Variants in RER1 observed in about 807,000 individuals in gnomAD.
The protein encoded by RER1 is protein RER1.
RER1 carries 6 observed loss-of-function variants against 28.3 expected under a neutral mutation model. That is an observed-to-expected ratio of 0.21 (90% confidence interval 0.12 to 0.42). RER1 has a LOEUF of 0.42. Among genes scored for constraint, RER1 ranks in the 10% least tolerant of loss-of-function variants. RER1 has a pLI of 1.00. For missense variants in RER1, 159 were observed against 252.9 expected (o/e 0.63, Z 2.52); for synonymous variants, 110 against 95.9 (o/e 1.15, Z -0.86).
intron 5 of RER1, 84 bp from the exon 6 acceptor site, chr1:2,402,123 G>A (rs762532734): frequency 2.5e-6 from 4 of 1,613,590 alleles, no homozygotes; most frequent in Non-Finnish European, 3.4e-6. Context: ...GGGGACGGTC[G>A]GTGCAGCTGC....
intron 3 of RER1, among the ~76,000 whole-genome samples, chr1:2,397,865 T>C (rs2100401562): frequency 6.6e-6 from 1 of 152,336 alleles, no homozygotes. Flanking sequence ...CGTCGGTCTT[T>C]AGAGGAGGTT....
At chr1:2,395,937 G>A (rs774727497) in intron 2 of RER1, 66 bp downstream of exon 2, 14 of 1,246,112 alleles carry the variant, frequency 1.1e-5, no homozygotes, top group Admixed American at 1.7e-5. Context: ...CAGCATTTTC[G>A]GGAAGGATCT....
chr1:2,402,182 G>A (rs1476981633), intron 5 of RER1, 25 bp from the exon 6 acceptor site: 2 of 1,614,064 alleles, frequency 1.2e-6, no homozygotes, highest in East Asian at 2.2e-5. Flanking sequence ...CAGATGCGGC[G>A]CTAACCTTCT....
In RER1 at chr1:2,403,360, G is replaced by C. The variant is rs1440054612; in HGVS notation, c.*236G>C. The C allele has an allele frequency of 2.2e-6, 1 of 451,660 alleles. No individual in the cohort carries two copies. Among genetic ancestry groups the C allele is most frequent in the African/African-American group, 2.0e-5 (1 of 49,756 alleles). The allele number at this position is 451,660 out of a possible 1,614,324, so 28.0% of individuals were successfully genotyped here. On this transcript the variant is annotated 3_prime_UTR_variant, in exon 7 of 7. Transcript: ENST00000605895. The stretch of plus-strand genomic sequence containing the variant: ...AGTGTTTCTCACGGATGGAATTCTA[G>C]TCAGCTGCAGGCGGGAAGCCAGGCG...
chr1:2,392,651 G>A (rs1642700606), intron 1 of RER1, among the ~76,000 whole-genome samples: 5 of 152,192 alleles, frequency 3.3e-5, no homozygotes, highest in Admixed American at 3.3e-4. Context: ...GAGACTGGCC[G>A]CTAGTCCTGG....
chr1:2,404,958 C>A lies in RER1; in HGVS notation c.*1834C>A. On this transcript the variant is annotated 3_prime_UTR_variant, in exon 7 of 7. Coordinates refer to ENST00000605895, the MANE Select transcript of RER1 (RefSeq NM_007033.5). ...GCTGAGGGGCTGAACACAGCAGTGA[C>A]CGTGGGTCAGCAGGTCGCCTGCCCA... 6.5e-6 allele frequency: 1 copy of A among 154,302 alleles called. No homozygotes were observed. Among genetic ancestry groups the A allele is most frequent in the Non-Finnish European group, 1.4e-5 (1 of 69,100 alleles). The allele number at this position is 154,302 out of a possible 1,614,324, so 9.6% of individuals were successfully genotyped here. A position where few individuals can be genotyped will look rare whatever the true frequency, so the allele number is the denominator to read the frequency against.
At position 2,404,740 on chromosome 1, in the gene RER1, T is replaced by G. The variant is rs1047971273; in HGVS notation, c.*1616T>G. On this transcript the variant is annotated 3_prime_UTR_variant, in exon 7 of 7. Coordinates refer to ENST00000605895, the MANE Select transcript of RER1 (RefSeq NM_007033.5). ...GGTGTTTTACGTCAGCAGGGAAATG[T>G]GGCACACGCCCTCGAGGCATTTTAA... The G allele has an allele frequency of 2.0e-5, 3 of 152,322 alleles. No individual in the cohort carries two copies. The highest frequency in any genetic ancestry group is 4.4e-5 in the Non-Finnish European group (3 of 68,058). 9.4% of individuals were successfully genotyped at this position (152,322 alleles called of 1,614,324 possible). A position where few individuals can be genotyped will look rare whatever the true frequency, so the allele number is the denominator to read the frequency against.
chr1:2,400,315 G>A (rs140524275), intron 4 of RER1, among the ~76,000 whole-genome samples: 2 of 152,362 alleles, frequency 1.3e-5, no homozygotes, highest in Admixed American at 1.3e-4. Flanking sequence ...TGGGAACACA[G>A]CCCCTCTCTG....
chr1:2,402,713 C>T (rs566941781), intron 6 of RER1, among the ~76,000 whole-genome samples: 6 of 152,336 alleles, frequency 3.9e-5, no homozygotes, highest in South Asian at 4.1e-4. Flanking sequence ...GTGCCCTTGA[C>T]GGTGTGGCCT....
chr1:2,392,839 A>G (rs1282722376), intron 1 of RER1, among the ~76,000 whole-genome samples: 1 of 152,204 alleles, frequency 6.6e-6, no homozygotes, highest in African/African-American at 2.4e-5. Flanking sequence ...GGTCAGGCCC[A>G]GAGGAGCGGG....
chr1:2,399,527 C>A lies in RER1; in HGVS notation c.286+13C>A, dbSNP rs1642814684. The A allele has an allele frequency of 6.5e-7, 1 of 1,540,840 alleles. No homozygotes were observed. The highest frequency in any genetic ancestry group is 2.2e-5 in the East Asian group (1 of 44,536). ...ATGGAAGACTCAGGTAGGGTAGCGGCTGTGCACTGGGCTGTGTGGGCAGGT... is the reference window on the plus strand; with the variant it reads ...ATGGAAGACTCAGGTAGGGTAGCGGATGTGCACTGGGCTGTGTGGGCAGGT... On this transcript the variant is annotated intron_variant, in intron 4 of 6. Coordinates refer to ENST00000605895, the MANE Select transcript of RER1 (RefSeq NM_007033.5).
intron 2 of RER1, among the ~76,000 whole-genome samples, chr1:2,396,576 T>C (rs758277710): frequency 2.0e-5 from 3 of 152,286 alleles, no homozygotes; most frequent in African/African-American, 4.8e-5. Flanking sequence ...ACCATACATA[T>C]GTATATTTGT....
intron 5 of RER1, among the ~76,000 whole-genome samples, chr1:2,401,376 CCCTCCTCCTCCCTCCTCCTCCCT>C (rs1642857273): frequency 1.3e-4 from 1 of 7,832 alleles, no homozygotes; most frequent in African/African-American, 5.4e-4. Flanking sequence ...CCTCCTTCCT[CCCTCCTCCTCCCTCCTCCTCCCT>C]CCTCCTCCCT....
rs1023227276 is a variant in RER1 at position 2,404,991 on chromosome 1, C to T, written c.*1867C>T. The stretch of plus-strand genomic sequence containing the variant: ...CAGCAGGTCGCCTGCCCAGCAGGCC[C>T]CCCAGGAGAGGGCTCGGGCGCCCCT... On this transcript the variant is annotated 3_prime_UTR_variant, in exon 7 of 7. Coordinates refer to ENST00000605895, the MANE Select transcript of RER1 (RefSeq NM_007033.5). The T allele has an allele frequency of 6.5e-6, 1 of 154,950 alleles. No individual in the cohort carries two copies. The highest frequency in any genetic ancestry group is 1.4e-5 in the Non-Finnish European group (1 of 69,606). 9.6% of individuals were successfully genotyped at this position (154,950 alleles called of 1,614,324 possible).
At chr1:2,401,665 G>A (rs1009073758) in intron 5 of RER1, among the ~76,000 whole-genome samples, 1 of 152,110 alleles carries the variant, frequency 6.6e-6, no homozygotes, top group Non-Finnish European at 1.5e-5. Context: ...GGAGCCTGCT[G>A]AGCTCGTGGG....
In RER1 at chr1:2,403,213, T is replaced by TC; in HGVS notation, c.*89_*90insC. On this transcript the variant is annotated 3_prime_UTR_variant, in exon 7 of 7. Transcript: ENST00000605895. ...TTTTTCTTCACATAAAGTAGTTGAT[T>TC]ACGAGGGAGTCAAATTTTCTTTTTA... The TC allele has an allele frequency of 1.1e-6, 1 of 951,112 alleles. No individual in the cohort carries two copies. Among genetic ancestry groups the TC allele is most frequent in the Non-Finnish European group, 1.7e-6 (1 of 597,848 alleles). The allele number at this position is 951,112 out of a possible 1,614,324, so 58.9% of individuals were successfully genotyped here. A position where few individuals can be genotyped will look rare whatever the true frequency, so the allele number is the denominator to read the frequency against.
In RER1 at chr1:2,399,746, T is replaced by C. The variant is rs562767230; in HGVS notation, c.286+232T>C. On this transcript the variant is annotated intron_variant, in intron 4 of 6. Coordinates refer to ENST00000605895, the MANE Select transcript of RER1 (RefSeq NM_007033.5). ...CTTTGCAGATGAGGAAACTGAGGCA[T>C]ACAGGGTTAGGTAACGTGTTCGAGG... 4.6e-5 allele frequency among the ~76,000 whole-genome samples: 7 copies of C among 152,322 alleles called. No homozygotes were observed. The East Asian group carries it at 9.6e-4, about 21-fold the overall frequency.
Position 2,405,424 on chromosome 1 carries a change from G to A in RER1, c.*2300G>A. Reference sequence around the variant, plus strand: ...TTCTCACAATATAAACGAATAAAGTGTCTTCTGGCCTACTTCTGAATTACT... The same window carrying A: ...TTCTCACAATATAAACGAATAAAGTATCTTCTGGCCTACTTCTGAATTACT... On this transcript the variant is annotated 3_prime_UTR_variant, in exon 7 of 7. Coordinates refer to ENST00000605895, the MANE Select transcript of RER1 (RefSeq NM_007033.5). The A allele has an allele frequency of 4.5e-6, 2 of 447,632 alleles. No individual in the cohort carries two copies. The highest frequency in any genetic ancestry group is 8.3e-6 in the Non-Finnish European group (2 of 239,654). The allele number at this position is 447,632 out of a possible 1,614,324, so 27.7% of individuals were successfully genotyped here.
At chr1:2,402,743 CTG>C (rs1045689447) in intron 6 of RER1, among the ~76,000 whole-genome samples, 18 of 152,322 alleles carry the variant, frequency 1.2e-4, no homozygotes, top group African/African-American at 4.3e-4. Flanking sequence ...GGGCCTCACT[CTG>C]TGCCCGGGGT....
Sources: gnomAD v4.1 joint callset for allele counts (sites outside exome capture counted in the v4.1 genomes callset) on GRCh38, gnomAD v4.1.1 for gene constraint, MANE v1.5 for transcripts, NCBI Gene and HGNC (gene_info 2026-07-23, HGNC 2026-07-21) for gene names.